Variants in GRIK1 observed in about 807,000 individuals in gnomAD.
GRIK1 encodes the protein glutamate receptor ionotropic, kainate 1.
GRIK1 carries 69 observed loss-of-function variants against 105.7 expected under a neutral mutation model. The ratio of observed to expected loss-of-function variants is 0.65; its 90% CI spans 0.54 to 0.80. The LOEUF (loss-of-function observed/expected upper bound fraction) is 0.80, where lower values mean the gene tolerates loss of function less well. Among genes scored for constraint, GRIK1 ranks in the 30% least tolerant of loss-of-function variants. The pLI is 0.00. For missense variants in GRIK1, 1,109 were observed against 1,167.3 expected (o/e 0.95, Z 0.73); for synonymous variants, 438 against 431.3 (o/e 1.02, Z -0.19).
chr21:29,560,279 T>TTTTCTTTC (rs56295343), intron 15 of GRIK1, among the ~76,000 whole-genome samples: 1,077 of 69,902 alleles, frequency 0.015, 71 homozygotes, highest in Non-Finnish European at 0.021. Context: ...TATGATACAG[T>TTTTCTTTC]TTTCTTTCTT....
chr21:29,736,170 T>TA (rs1569030653), intron 1 of GRIK1, among the ~76,000 whole-genome samples: 2 of 151,854 alleles, frequency 1.3e-5, no homozygotes, highest in African/African-American at 4.8e-5. Flanking sequence ...GAAAGAGTTA[T>TA]AAAAATCAGA....
chr21:29,848,293 A>G (rs1212469383), intron 1 of GRIK1, among the ~76,000 whole-genome samples: 1 of 152,160 alleles, frequency 6.6e-6, no homozygotes, highest in Non-Finnish European at 1.5e-5. Flanking sequence ...TGGAATGCCA[A>G]CAGTATCACT....
At chr21:29,591,499 T>C (rs2061333921) in intron 9 of GRIK1, among the ~76,000 whole-genome samples, 1 of 152,200 alleles carries the variant, frequency 6.6e-6, no homozygotes, top group South Asian at 2.1e-4. Flanking sequence ...TGAAAAAATA[T>C]ATAAGAATTC....
intron 1 of GRIK1, among the ~76,000 whole-genome samples, chr21:29,897,793 T>C (rs2070227203): frequency 6.6e-6 from 1 of 152,244 alleles, no homozygotes; most frequent in African/African-American, 2.4e-5. Context: ...AGCATAATAA[T>C]TCCCACTTCA....
chr21:29,732,706 G>A (rs928557518), intron 1 of GRIK1, among the ~76,000 whole-genome samples: 3 of 152,090 alleles, frequency 2.0e-5, no homozygotes, highest in Non-Finnish European at 4.4e-5. Context: ...TCTATCCATT[G>A]GAGATGTATT....
chr21:29,687,824 C>T (rs2063513056), intron 3 of GRIK1, among the ~76,000 whole-genome samples: 1 of 152,190 alleles, frequency 6.6e-6, no homozygotes, highest in Non-Finnish European at 1.5e-5. Context: ...ATGCCTACGT[C>T]TTTAGTTGAA....
intron 1 of GRIK1, among the ~76,000 whole-genome samples, chr21:29,789,390 T>G (rs113871234): frequency 1.4e-5 from 2 of 148,008 alleles, no homozygotes; most frequent in Non-Finnish European, 3.0e-5. Flanking sequence ...ACCCTGAAAT[T>G]GACTCACTTC....
intron 3 of GRIK1, among the ~76,000 whole-genome samples, chr21:29,680,900 C>T (rs528178633): frequency 9.2e-5 from 14 of 152,152 alleles, no homozygotes; most frequent in East Asian, 1.9e-4. Flanking sequence ...TTTGGGAGGC[C>T]GAGGCAGGTG....
intron 1 of GRIK1, among the ~76,000 whole-genome samples, chr21:29,774,446 CTTTTTTTTTTTT>C (rs34378438): frequency 2.0e-5 from 2 of 102,434 alleles, no homozygotes; most frequent in Admixed American, 2.3e-4. Flanking sequence ...TTATTTTGCT[CTTTTTTTTTTTT>C]TTTTTTTTTC....
At chr21:29,698,131 G>A (rs372106256) in intron 1 of GRIK1, among the ~76,000 whole-genome samples, 11 of 151,260 alleles carry the variant, frequency 7.3e-5, no homozygotes, top group East Asian at 5.8e-4. Flanking sequence ...TCAATGAGAC[G>A]TCTGAAGGCT....
rs553856030 is a variant in GRIK1 at position 29,894,751 on chromosome 21, G to A, written c.118+44632C>T. The stretch of plus-strand genomic sequence containing the variant: ...GAGATGCAATTAAAAGATTTTAATC[G>A]GCGGGATGGCCTGATTAGGTTCTCT... On this transcript the variant is annotated intron_variant, in intron 1 of 17. Coordinates refer to ENST00000327783, the MANE Select transcript of GRIK1 (RefSeq NM_001330994.2). 1.3e-4 allele frequency among the ~76,000 whole-genome samples: 20 copies of A among 152,228 alleles called. No individual in the cohort carries two copies. The East Asian group carries it at 2.9e-3, about 22-fold the overall frequency.
At chr21:29,846,463 G>GAGAAAGAAAGAAAGAAAGAA (rs56303585) in intron 1 of GRIK1, among the ~76,000 whole-genome samples, 12 of 127,908 alleles carry the variant, frequency 9.4e-5, no homozygotes, top group South Asian at 2.8e-4. Flanking sequence ...GAAAGAGAGA[G>GAGAAAGAAAGAAAGAAAGAA]AGAAAGAAAG....
At chr21:29,644,445 T>G (rs1568926820) in intron 6 of GRIK1, among the ~76,000 whole-genome samples, 1 of 152,244 alleles carries the variant, frequency 6.6e-6, no homozygotes, top group Non-Finnish European at 1.5e-5. Flanking sequence ...TTCCTTAAAA[T>G]GACATTTATT....
At chr21:29,666,064 A>G (rs2146617884) in intron 4 of GRIK1, among the ~76,000 whole-genome samples, 1 of 152,286 alleles carries the variant, frequency 6.6e-6, no homozygotes, top group Admixed American at 6.5e-5. Context: ...ACATACCTAT[A>G]TAAAAAACCT....
At chr21:29,604,522 T>C (rs1265757243) in intron 7 of GRIK1, among the ~76,000 whole-genome samples, 1 of 152,210 alleles carries the variant, frequency 6.6e-6, no homozygotes, top group African/African-American at 2.4e-5. Context: ...CTGGATGTGA[T>C]AAATAGGATC....
At chr21:29,808,797 T>A (rs1348528276) in intron 1 of GRIK1, among the ~76,000 whole-genome samples, 1 of 152,130 alleles carries the variant, frequency 6.6e-6, no homozygotes, top group African/African-American at 2.4e-5. Context: ...CAGTTCAAAA[T>A]GTAGTTTATA....
chr21:29,845,716 T>A (rs1376927519), intron 1 of GRIK1, among the ~76,000 whole-genome samples: 1 of 152,152 alleles, frequency 6.6e-6, no homozygotes, highest in African/African-American at 2.4e-5. Flanking sequence ...TTTTTCTTTT[T>A]CCCTTTAAAT....
At chr21:29,761,578 A>G (rs1228517354) in intron 1 of GRIK1, among the ~76,000 whole-genome samples, 4 of 152,218 alleles carry the variant, frequency 2.6e-5, no homozygotes, top group Non-Finnish European at 5.9e-5. Flanking sequence ...TTTTTAGAAA[A>G]AGTTCTTATA....
chr21:29,654,327 T>G (rs363573), intron 5 of GRIK1, among the ~76,000 whole-genome samples: 7,338 of 152,280 alleles, frequency 0.048, 266 homozygotes, highest in Non-Finnish European at 0.073. Flanking sequence ...AGGCAAAATG[T>G]TCAATGTGCA....
Sources: allele counts gnomAD v4.1 joint callset (sites outside exome capture counted in the v4.1 genomes callset), GRCh38; gene constraint gnomAD v4.1.1; transcripts MANE v1.5; gene names NCBI Gene and HGNC (gene_info 2026-07-23, HGNC 2026-07-21).